The following LRBA variants were observed in gnomAD, a reference collection of about 807,000 sequenced individuals.
The protein encoded by LRBA is LPS responsive beige-like anchor protein.
In LRBA, 176 loss-of-function variants were observed where a neutral mutation model predicts 330.0. The observed-to-expected ratio is 0.53, with a 90% CI of 0.47 to 0.60. The LOEUF is 0.60. LRBA is among the 20% of genes least tolerant of loss of function. The pLI is 0.00. For synonymous variants in LRBA, 1,230 were observed against 1,193.0 expected (o/e 1.03, Z -0.64); for missense variants, 3,259 against 3,444.8 (o/e 0.95, Z 1.35).
intron 47 of LRBA, among the ~76,000 whole-genome samples, chr4:150,392,154 CTT>C (rs1381002950): frequency 2.0e-5 from 3 of 152,168 alleles, no homozygotes; most frequent in African/African-American, 7.2e-5. Context: ...CATTTGCTCT[CTT>C]CTTCCTTTCT....
intron 2 of LRBA, among the ~76,000 whole-genome samples, chr4:150,993,298 TACA>T (rs2149632210): frequency 6.6e-6 from 1 of 152,220 alleles, no homozygotes; most frequent in East Asian, 1.9e-4. Flanking sequence ...AATAAATGTG[TACA>T]AAAAGGAACT....
intron 2 of LRBA, among the ~76,000 whole-genome samples, chr4:150,963,383 C>T (rs1377022385): frequency 1.3e-5 from 2 of 149,648 alleles, no homozygotes; most frequent in East Asian, 1.9e-4. Flanking sequence ...GACGGGGTTT[C>T]GCCCTGTTGG....
rs577173627 is a variant in LRBA, at chr4:150,817,303, T to C, written c.5172-46A>G. ...AGACTGAAAGATACAAATTGATCTC[T>C]TGAATTAATTACATGAATTTCAAAA... On this transcript the variant is annotated intron_variant, in intron 30 of 56. Transcript: ENST00000651943. 1.1e-5 allele frequency: 17 copies of C among 1,537,858 alleles called. No individual in the cohort carries two copies. In the East Asian group the frequency reaches 2.7e-4, roughly 25 times the overall value.
At chr4:150,539,544 A>G (rs1370868369) in intron 40 of LRBA, among the ~76,000 whole-genome samples, 1 of 152,234 alleles carries the variant, frequency 6.6e-6, no homozygotes, top group East Asian at 1.9e-4. Flanking sequence ...AATTGAAATT[A>G]ATACCAGTAG....
At chr4:150,517,613 A>G (rs1489889577) in intron 40 of LRBA, among the ~76,000 whole-genome samples, 1 of 152,236 alleles carries the variant, frequency 6.6e-6, no homozygotes, top group Non-Finnish European at 1.5e-5. Flanking sequence ...GCATAAAAGT[A>G]AAATGCACAT....
intron 44 of LRBA, among the ~76,000 whole-genome samples, chr4:150,447,646 G>A (rs963324098): frequency 2.6e-5 from 4 of 152,116 alleles, no homozygotes; most frequent in African/African-American, 9.7e-5. Context: ...TTTGGATACA[G>A]ATACATAGAT....
intron 28 of LRBA, among the ~76,000 whole-genome samples, chr4:150,836,609 G>T (rs914791161): frequency 6.6e-6 from 1 of 152,068 alleles, no homozygotes; most frequent in African/African-American, 2.4e-5. Flanking sequence ...TTCTCTGATG[G>T]TAATTTGTAT....
chr4:150,643,346 G>T (rs1425498765), intron 37 of LRBA, among the ~76,000 whole-genome samples: 1 of 151,826 alleles, frequency 6.6e-6, no homozygotes, highest in East Asian at 1.9e-4. Context: ...GTCATAAAAA[G>T]TATTATGAAA....
chr4:150,523,977 T>C (rs148559162), intron 40 of LRBA, among the ~76,000 whole-genome samples: 162 of 152,354 alleles, frequency 1.1e-3, no homozygotes, highest in South Asian at 3.1e-3. Context: ...TTAGACATTA[T>C]GGACTAACAA....
chr4:151,011,987 T>C (rs1356889484), intron 2 of LRBA, among the ~76,000 whole-genome samples: 1 of 152,126 alleles, frequency 6.6e-6, no homozygotes, highest in East Asian at 1.9e-4. Flanking sequence ...AAAGATTTTC[T>C]AGAGTGGCCA....
At chr4:150,774,147 T>G (rs576301993) in intron 34 of LRBA, among the ~76,000 whole-genome samples, 1 of 152,310 alleles carries the variant, frequency 6.6e-6, no homozygotes, top group Admixed American at 6.5e-5. Context: ...TTTTGTTTAA[T>G]TAAAAAAATA....
chr4:150,802,118 G>A (rs1370332428), intron 33 of LRBA, among the ~76,000 whole-genome samples: 1 of 150,836 alleles, frequency 6.6e-6, no homozygotes, highest in Non-Finnish European at 1.5e-5. Context: ...TACTTGAGAG[G>A]CTAAGGTGGG....
chr4:150,513,627 G>A (rs1369684425), intron 40 of LRBA, among the ~76,000 whole-genome samples: 18 of 152,176 alleles, frequency 1.2e-4, no homozygotes, highest in Non-Finnish European at 2.9e-5. Context: ...TTGCCAGCCA[G>A]TTTGGTTCCT....
At chr4:150,845,371 A>T (rs1749702216) in intron 26 of LRBA, among the ~76,000 whole-genome samples, 1 of 152,206 alleles carries the variant, frequency 6.6e-6, no homozygotes, top group Non-Finnish European at 1.5e-5. Context: ...CTGCTTAGAA[A>T]ATGGGAGACA....
chr4:150,818,561 T>TGC (rs1376274924), intron 30 of LRBA, among the ~76,000 whole-genome samples: 5 of 141,876 alleles, frequency 3.5e-5, no homozygotes, highest in African/African-American at 1.4e-4. Flanking sequence ...TGTGTGTGTG[T>TGC]GTGCGTGCAC....
At chr4:150,837,913 T>C (rs1748403638) in intron 28 of LRBA, among the ~76,000 whole-genome samples, 1 of 152,228 alleles carries the variant, frequency 6.6e-6, no homozygotes, top group Non-Finnish European at 1.5e-5. Flanking sequence ...TTGGCATGTT[T>C]TTGCAGTGGC....
At chr4:150,677,843 A>AAGAGG (rs1469950683) in intron 37 of LRBA, among the ~76,000 whole-genome samples, 1 of 149,710 alleles carries the variant, frequency 6.7e-6, no homozygotes, top group Non-Finnish European at 1.5e-5. Context: ...AAGAAAAGAG[A>AAGAGG]AAAGTGTATA....
chr4:150,610,055 T>G (rs1775066518), intron 37 of LRBA, among the ~76,000 whole-genome samples: 1 of 152,164 alleles, frequency 6.6e-6, no homozygotes, highest in South Asian at 2.1e-4. Context: ...GATTGTTTGT[T>G]TTTTTTCTAT....
chr4:150,702,538 T>G (rs1333426764), intron 36 of LRBA, among the ~76,000 whole-genome samples: 1 of 152,070 alleles, frequency 6.6e-6, no homozygotes, highest in African/African-American at 2.4e-5. Flanking sequence ...AGCTACAGAT[T>G]TGAGACTACA....
Sources: gnomAD v4.1 joint callset for allele counts (sites outside exome capture counted in the v4.1 genomes callset) on GRCh38, gnomAD v4.1.1 for gene constraint, MANE v1.5 for transcripts, NCBI Gene and HGNC (gene_info 2026-07-23, HGNC 2026-07-21) for gene names.